C12orf60: variants seen among roughly 807,000 people sequenced by gnomAD.
C12orf60 encodes chromosome 12 open reading frame 60.
For synonymous variants in C12orf60, 102 were observed against 94.6 expected, an observed-to-expected ratio of 1.08 and a Z score of -0.45; for missense variants, 284 against 283.2, an observed-to-expected ratio of 1.00 and a Z score of -0.02.
chr12:14,816,973 C>G (rs1950230857), intron 1 of C12orf60, among the ~76,000 whole-genome samples: 1 of 152,002 alleles, frequency 6.6e-6, no homozygotes, highest in South Asian at 2.1e-4. Context: ...CAACTCCTGG[C>G]CTTAAGTGAT....
Position 14,823,938 on chromosome 12 carries a change from A to G in C12orf60, c.*265A>G, listed in dbSNP as rs997221857. The G allele has an allele frequency of 1.2e-5, 3 of 245,892 alleles. No individual in the cohort carries two copies. The highest frequency in any genetic ancestry group is 6.7e-5 in the African/African-American group (3 of 44,522). The allele number at this position is 245,892 out of a possible 1,614,324, so 15.2% of individuals were successfully genotyped here. The stretch of plus-strand genomic sequence containing the variant: ...GGTATTACATTTGAGGATGTTTCTA[A>G]ATATTGTGTTTCATCTTAAAGCATA... On this transcript the variant is annotated 3_prime_UTR_variant, in exon 2 of 2. Coordinates refer to ENST00000330828, the MANE Select transcript of C12orf60 (RefSeq NM_175874.4).
intron 1 of C12orf60, among the ~76,000 whole-genome samples, chr12:14,816,306 T>C (rs568895738): frequency 6.6e-6 from 1 of 152,304 alleles, no homozygotes; most frequent in East Asian, 1.9e-4. Context: ...TAGAATGCTT[T>C]ATTTTCCCTT....
intron 1 of C12orf60, chr12:14,805,411 T>C (rs920215662): frequency 6.6e-6 from 1 of 152,276 alleles, no homozygotes; most frequent in Non-Finnish European, 1.5e-5. Flanking sequence ...CGGTTTACAT[T>C]GTGTAATCAG....
Position 14,806,303 on chromosome 12 carries a change from A to C in C12orf60, c.-25+2552A>C, listed in dbSNP as rs749203479. 2.6e-5 allele frequency: 42 copies of C among 1,614,118 alleles called. No individual in the cohort carries two copies. The South Asian group carries it at 4.3e-4, about 16-fold the overall frequency. Reference sequence around the variant, plus strand: ...GTTTAACAGCGACTGCACTGGCTGCAGATGTAGCTTCTCCCAGGATGACCG... The same window carrying C: ...GTTTAACAGCGACTGCACTGGCTGCCGATGTAGCTTCTCCCAGGATGACCG... On this transcript the variant is annotated intron_variant, in intron 1 of 1. Transcript: ENST00000330828.
At chr12:14,821,377 G>A (rs1950302666) in intron 1 of C12orf60, among the ~76,000 whole-genome samples, 1 of 152,118 alleles carries the variant, frequency 6.6e-6, no homozygotes, top group Admixed American at 6.5e-5. Flanking sequence ...CCCTCTGGGG[G>A]CTCTGAGGGA....
intron 1 of C12orf60, among the ~76,000 whole-genome samples, chr12:14,816,141 T>C (rs1950213638): frequency 6.6e-6 from 1 of 152,098 alleles, no homozygotes; most frequent in South Asian, 2.1e-4. Flanking sequence ...GCACATTTTC[T>C]TAGTGTAGAT....
chr12:14,809,536 C>A (rs951776161), intron 1 of C12orf60, among the ~76,000 whole-genome samples: 2 of 152,058 alleles, frequency 1.3e-5, no homozygotes, highest in African/African-American at 4.8e-5. Flanking sequence ...AATCTCAAAT[C>A]AATAATAATC....
chr12:14,816,397 G>A (rs113294916), intron 1 of C12orf60, among the ~76,000 whole-genome samples: 3 of 151,744 alleles, frequency 2.0e-5, no homozygotes, highest in Non-Finnish European at 2.9e-5. Context: ...TAAACTGCCC[G>A]ATTCAATTAC....
intron 1 of C12orf60, among the ~76,000 whole-genome samples, chr12:14,807,386 C>G (rs1016843962): frequency 6.6e-6 from 1 of 152,142 alleles, no homozygotes; most frequent in Non-Finnish European, 1.5e-5. Context: ...CTTAGTTTCC[C>G]GAACCCCTAG....
In C12orf60 at chr12:14,823,672, A is replaced by G. The variant is rs1364692853; in HGVS notation, c.737A>G (p.Ter246TrpextTer14). The change falls in exon 2 of 2, where the codon TAG (stop) becomes TGG (tryptophan). Residue 246 changes from the stop codon to tryptophan (W), a stop_lost. Transcript: ENST00000330828. ...GTGTTTAAGAAAGCCAGTGACAAGT[A>G]GGGATGCAACAGAAATGTTCATTTC... Reference protein sequence around the residue: ...ISVFKKASDK* With the variant: ...ISVFKKASDKW The G allele has an allele frequency of 9.0e-6, 14 of 1,551,144 alleles. No individual in the cohort carries two copies. The highest frequency in any genetic ancestry group is 1.2e-5 in the Non-Finnish European group (14 of 1,152,786).
intron 1 of C12orf60, among the ~76,000 whole-genome samples, chr12:14,811,411 G>A (rs142423549): frequency 1.8e-4 from 28 of 152,232 alleles, no homozygotes; most frequent in African/African-American, 6.7e-4. Context: ...AATTTTATTT[G>A]ATGAGAGAGT....
Position 14,803,681 on chromosome 12 carries a change from G to A in C12orf60, c.-95G>A, listed in dbSNP as rs1185479439. The A allele has an allele frequency of 1.0e-5, 4 of 392,212 alleles. No homozygotes were observed. The highest frequency in any genetic ancestry group is 4.1e-5 in the African/African-American group (2 of 48,504). The allele number at this position is 392,212 out of a possible 1,614,324, so 24.3% of individuals were successfully genotyped here. A position where few individuals can be genotyped will look rare whatever the true frequency, so the allele number is the denominator to read the frequency against. ...GTACAATAGGAATTAGAAGAAGATA[G>A]CTGCTAACTGAGTGGCTGACGGTCC... On this transcript the variant is annotated 5_prime_UTR_variant, in exon 1 of 2. Coordinates refer to ENST00000330828, the MANE Select transcript of C12orf60 (RefSeq NM_175874.4).
intron 1 of C12orf60, among the ~76,000 whole-genome samples, chr12:14,817,481 G>GC (rs900256092): frequency 1.3e-5 from 2 of 151,792 alleles, no homozygotes; most frequent in Non-Finnish European, 2.9e-5. Flanking sequence ...CCCTCCCCTC[G>GC]CCCCCCACTC....
intron 1 of C12orf60, among the ~76,000 whole-genome samples, chr12:14,812,489 T>C (rs920782198): frequency 6.6e-6 from 1 of 152,138 alleles, no homozygotes; most frequent in African/African-American, 2.4e-5. Flanking sequence ...TTCCCTGTCT[T>C]TACCCTGGTT....
At chr12:14,812,078 T>G (rs1366825811) in intron 1 of C12orf60, among the ~76,000 whole-genome samples, 1 of 152,250 alleles carries the variant, frequency 6.6e-6, no homozygotes, top group Non-Finnish European at 1.5e-5. Flanking sequence ...CATAAGTATC[T>G]TCACAAAGTT....
At chr12:14,806,236 C>G (rs558247382) in intron 1 of C12orf60, 1 of 1,614,186 alleles carries the variant, frequency 6.2e-7, no homozygotes, top group Non-Finnish European at 8.5e-7. Context: ...AACACAGTGA[C>G]CAACTTGTTA....
intron 1 of C12orf60, among the ~76,000 whole-genome samples, chr12:14,815,902 G>T (rs1328165692): frequency 6.6e-6 from 1 of 152,160 alleles, no homozygotes; most frequent in African/African-American, 2.4e-5. Context: ...CCACATAGCA[G>T]CCTAAGTGGA....
At position 14,822,903 on chromosome 12, in the gene C12orf60, G is replaced by A; in HGVS notation, c.-24-9G>A. ...TATTTTTCATTTGGATTACTGCTTT[G>A]CTTTGCAGTGTTGGAACTTATTTGT... On this transcript the variant is annotated splice_polypyrimidine_tract_variant and intron_variant, in intron 1 of 1. Coordinates refer to ENST00000330828, the MANE Select transcript of C12orf60 (RefSeq NM_175874.4). 6.5e-7 allele frequency: 1 copy of A among 1,527,760 alleles called. No individual in the cohort carries two copies. Among genetic ancestry groups the A allele is most frequent in the East Asian group, 2.3e-5 (1 of 44,000 alleles). The allele number at this position is 1,527,760 out of a possible 1,614,324, so 94.6% of individuals were successfully genotyped here.
rs1184288882 is a variant in C12orf60, at chr12:14,806,264, A to G, written c.-25+2513A>G. On this transcript the variant is annotated intron_variant, in intron 1 of 1. Coordinates refer to ENST00000330828, the MANE Select transcript of C12orf60 (RefSeq NM_175874.4). ...ACTTGTTAATTATGCCAGTTGTGAC[A>G]TTTGAGCCCACAAGTTTAACAGCGA... 4 of 1,614,118 alleles carry G rather than the reference A, an allele frequency of 2.5e-6. No homozygotes were observed. The South Asian group carries it at 3.3e-5, about 13-fold the overall frequency.
Sources: gnomAD v4.1 joint callset for allele counts (sites outside exome capture counted in the v4.1 genomes callset) on GRCh38, gnomAD v4.1.1 for gene constraint, MANE v1.5 for transcripts, NCBI Gene and HGNC (gene_info 2026-07-23, HGNC 2026-07-21) for gene names.